GLRB: variants seen among roughly 807,000 people sequenced by gnomAD.
GLRB encodes the protein glycine receptor subunit beta.
A neutral mutation model predicts 54.2 loss-of-function variants in GLRB; 33 were observed. The ratio of observed to expected loss-of-function variants is 0.61; its 90% CI spans 0.46 to 0.81. The LOEUF is 0.81. Among genes scored for constraint, GLRB ranks in the 40% least tolerant of loss-of-function variants. The probability of loss-of-function intolerance (pLI) is 0.00; values close to 1 mark genes in which losing one functional copy is unlikely to be tolerated. For missense variants in GLRB, 572 were observed against 584.6 expected (o/e 0.98, Z 0.22); for synonymous variants, 209 against 208.2 (o/e 1.00, Z -0.03).
intron 4 of GLRB, among the ~76,000 whole-genome samples, chr4:157,125,483 G>C (rs1362258528): frequency 1.3e-5 from 2 of 151,706 alleles, no homozygotes; most frequent in African/African-American, 4.8e-5. Flanking sequence ...ATGACTTTTT[G>C]GTTGTCATAC....
At chr4:157,149,182 CA>C (rs1360364511) in intron 8 of GLRB, among the ~76,000 whole-genome samples, 1 of 152,044 alleles carries the variant, frequency 6.6e-6, no homozygotes, top group Non-Finnish European at 1.5e-5. Context: ...TAAAAGTTAG[CA>C]GACAACATAG....
intron 6 of GLRB, 45 bp from the exon 7 acceptor site, chr4:157,138,764 T>C (rs1418703968): frequency 1.1e-6 from 1 of 933,664 alleles, no homozygotes; most frequent in Non-Finnish European, 1.7e-6. Flanking sequence ...TAAAAAGCAT[T>C]ATTAATTATA....
rs547936606 is a variant in GLRB, at chr4:157,128,469, A to AAT, written c.297+6074_297+6075dup. Among the ~76,000 whole-genome samples the AAT allele has an allele frequency of 9.2e-5, 14 of 151,998 alleles. No individual in the cohort carries two copies. In the South Asian group the frequency reaches 2.9e-3, roughly 32 times the overall value. ...TATGAAAAAAATTAATGGTGTGAAT[A>AAT]ATACTACACAACTTCCTGAACTGAA... On this transcript the variant is annotated intron_variant, in intron 4 of 9. Coordinates refer to ENST00000264428, the MANE Select transcript of GLRB (RefSeq NM_000824.5).
At chr4:157,096,053 T>C (rs919839003) in intron 2 of GLRB, among the ~76,000 whole-genome samples, 1 of 152,170 alleles carries the variant, frequency 6.6e-6, no homozygotes, top group Middle Eastern at 3.4e-3. Context: ...GAGTGGCCAG[T>C]TGGAGAAAAG....
intron 9 of GLRB, among the ~76,000 whole-genome samples, chr4:157,163,838 G>GTGTGTGTGTA (rs1737611093): frequency 1.3e-5 from 2 of 151,836 alleles, no homozygotes; most frequent in Non-Finnish European, 2.9e-5. Context: ...GAGTGTGTGT[G>GTGTGTGTGTA]TGTGTGTGTG....
chr4:157,106,187 T>A (rs749117968), intron 2 of GLRB, among the ~76,000 whole-genome samples: 1 of 152,114 alleles, frequency 6.6e-6, no homozygotes, highest in Non-Finnish European at 1.5e-5. Flanking sequence ...TCTTTTCTTT[T>A]TTCTTTCTTT....
intron 4 of GLRB, among the ~76,000 whole-genome samples, chr4:157,127,978 T>A (rs1470338885): frequency 6.6e-6 from 1 of 151,900 alleles, no homozygotes; most frequent in Non-Finnish European, 1.5e-5. Context: ...TGAGCATTTG[T>A]TAGTAATTTT....
At chr4:157,107,375 CA>C (rs1472546947) in intron 2 of GLRB, among the ~76,000 whole-genome samples, 1 of 152,040 alleles carries the variant, frequency 6.6e-6, no homozygotes, top group Non-Finnish European at 1.5e-5. Context: ...GTCTCTTTGT[CA>C]AACGGCCAGG....
At chr4:157,132,004 C>T (rs1736231851) in intron 4 of GLRB, among the ~76,000 whole-genome samples, 1 of 151,720 alleles carries the variant, frequency 6.6e-6, no homozygotes, top group Admixed American at 6.6e-5. Flanking sequence ...AGTGGCTGAA[C>T]AGTTTTTGAT....
chr4:157,153,930 G>A (rs1198012507), intron 9 of GLRB, among the ~76,000 whole-genome samples: 1 of 152,164 alleles, frequency 6.6e-6, no homozygotes, highest in Non-Finnish European at 1.5e-5. Flanking sequence ...TGCTAGACTA[G>A]TATACCGCAT....
chr4:157,104,011 C>G (rs1404840363), intron 2 of GLRB, among the ~76,000 whole-genome samples: 1 of 151,856 alleles, frequency 6.6e-6, no homozygotes, highest in Non-Finnish European at 1.5e-5. Flanking sequence ...CATACAGAGA[C>G]AATTCACTTC....
chr4:157,109,399 C>T (rs1037236362), intron 2 of GLRB, among the ~76,000 whole-genome samples: 1 of 151,730 alleles, frequency 6.6e-6, no homozygotes, highest in African/African-American at 2.4e-5. Flanking sequence ...TCTGTAATTC[C>T]CATAATGCCT....
chr4:157,121,164 G>T (rs34604014), intron 3 of GLRB, among the ~76,000 whole-genome samples: 4 of 151,464 alleles, frequency 2.6e-5, no homozygotes, highest in Non-Finnish European at 4.4e-5. Context: ...ACAATTGGCC[G>T]TATGATTTTT....
rs1386095107 is a variant in GLRB, at chr4:157,136,625, A to G, written c.454A>G (p.Asn152Asp). ...ATTTTTTGCAAATGAAAAAAGTGCC[A>G]ATTTTCATGATGTGACCCAGGAAAA... The part of the protein sequence containing the change: ...DLFFANEKSA[N>D]FHDVTQENIL... Residue 152 changes from asparagine (N) to aspartate (D), a missense_variant, in exon 5 of 10, where the codon AAT (asparagine) becomes GAT (aspartate). Transcript: ENST00000264428. 1 of 1,613,304 alleles carries G rather than the reference A, an allele frequency of 6.2e-7. No individual in the cohort carries two copies. Among genetic ancestry groups the G allele is most frequent in the African/African-American group, 1.3e-5 (1 of 74,992 alleles).
chr4:157,152,788 T>C lies in GLRB; in HGVS notation c.975T>C (p.Tyr325=), dbSNP rs1381897881. The change falls in exon 9 of 10, where the codon TAT becomes TAC. Residue 325 remains tyrosine, a synonymous_variant. Coordinates refer to ENST00000264428, the MANE Select transcript of GLRB (RefSeq NM_000824.5). ...CCGCTGAGCTTCCCAAAGTTTCCTA[T>C]GTGAAGGCTCTTGATGTTTGGCTTA... ...TLAAELPKVS[Y]VKALDVWLIA... is the part of the protein sequence containing the mutation. The C allele has an allele frequency of 6.2e-7, 1 of 1,613,836 alleles. No homozygotes were observed. Among genetic ancestry groups the C allele is most frequent in the Non-Finnish European group, 8.5e-7 (1 of 1,179,770 alleles).
intron 9 of GLRB, among the ~76,000 whole-genome samples, chr4:157,157,143 G>A (rs952786760): frequency 3.3e-5 from 5 of 152,112 alleles, no homozygotes; most frequent in African/African-American, 1.2e-4. Flanking sequence ...GACCCTCCAG[G>A]GCCCCCTGTG....
At chr4:157,147,241 G>A (rs1007697047) in intron 8 of GLRB, among the ~76,000 whole-genome samples, 1 of 152,218 alleles carries the variant, frequency 6.6e-6, no homozygotes, top group African/African-American at 2.4e-5. Flanking sequence ...AAGAGGGACT[G>A]AGAAAATGAG....
At chr4:157,138,603 T>C (rs1736494992) in intron 6 of GLRB, among the ~76,000 whole-genome samples, 2 of 152,214 alleles carry the variant, frequency 1.3e-5, no homozygotes, top group African/African-American at 4.8e-5. Flanking sequence ...AAACTTGTTC[T>C]TTCTTTAAGA....
chr4:157,123,274 A>C (rs867945977), intron 4 of GLRB, among the ~76,000 whole-genome samples: 9 of 151,758 alleles, frequency 5.9e-5, no homozygotes, highest in Non-Finnish European at 7.4e-5. Context: ...CAAGCCTAGT[A>C]AGAATGGCAA....
Sources: allele counts gnomAD v4.1 joint callset (sites outside exome capture counted in the v4.1 genomes callset), GRCh38; gene constraint gnomAD v4.1.1; transcripts MANE v1.5; gene names NCBI Gene and HGNC (gene_info 2026-07-23, HGNC 2026-07-21).